ATP10A: variants seen among roughly 807,000 people sequenced by gnomAD.
ATP10A encodes ATPase phospholipid transporting 10A (putative), also known as phospholipid-transporting ATPase VA.
ATP10A carries 111 observed loss-of-function variants against 147.8 expected under a neutral mutation model. The observed-to-expected ratio is 0.75, with a 90% CI of 0.64 to 0.88. The LOEUF (loss-of-function observed/expected upper bound fraction) is 0.88, where lower values mean the gene tolerates loss of function less well. ATP10A is among the 40% of genes least tolerant of loss of function. The pLI is 0.00. For missense variants in ATP10A, 1,927 were observed against 1,959.0 expected, an observed-to-expected ratio of 0.98 and a Z score of 0.31; for synonymous variants, 875 against 841.6, an observed-to-expected ratio of 1.04 and a Z score of -0.69.
intron 1 of ATP10A, among the ~76,000 whole-genome samples, chr15:25,786,399 T>A (rs1890160196): frequency 6.6e-6 from 1 of 152,088 alleles, no homozygotes; most frequent in Non-Finnish European, 1.5e-5. Context: ...CAGTGGCACA[T>A]CCATGAAGGC....
At chr15:25,776,557 G>A (rs536016066) in intron 2 of ATP10A, among the ~76,000 whole-genome samples, 8 of 152,284 alleles carry the variant, frequency 5.3e-5, no homozygotes, top group African/African-American at 1.2e-4. Context: ...TGCTCCACAC[G>A]GGGGCCTCTC....
At chr15:25,691,650 A>T (rs1900040479) in intron 15 of ATP10A, 65 bp downstream of exon 15, 2 of 1,542,002 alleles carry the variant, frequency 1.3e-6, no homozygotes, top group East Asian at 2.2e-5. Context: ...GACAGCCCAC[A>T]GGGTGACAGG....
intron 12 of ATP10A, 45 bp downstream of exon 12, chr15:25,707,931 C>T: frequency 6.2e-7 from 1 of 1,601,376 alleles, no homozygotes; most frequent in Non-Finnish European, 8.5e-7. Flanking sequence ...GCCGTCCCTG[C>T]AAACTCCACA....
rs1247636132 is a variant in ATP10A at position 25,707,979 on chromosome 15, A to G, written c.2572T>C (p.Leu858=). 2 of 1,614,002 alleles carry G rather than the reference A, an allele frequency of 1.2e-6. No homozygotes were observed. ...AIRLETNLHL[L]GATGIEDRLQ... is the part of the protein sequence containing the mutation. ...ATGCGACTCTCAAGTTAATTACCTA[A>G]CAAGTGCAGGTTGGTCTCCAGGCGA... is the stretch of plus-strand genomic sequence containing the variant. Residue 858 remains leucine (L), a synonymous_variant, in exon 12 of 21, where the codon TTA becomes CTA. Transcript: ENST00000555815.
intron 2 of ATP10A, among the ~76,000 whole-genome samples, chr15:25,779,756 A>G (rs1889803578): frequency 1.3e-5 from 2 of 152,182 alleles, no homozygotes; most frequent in Admixed American, 1.3e-4. Flanking sequence ...AACAAAAAAT[A>G]CTATTTTTAA....
In ATP10A at chr15:25,781,935, G is replaced by A. The variant is rs149947100; in HGVS notation, c.450-712C>T. Among the ~76,000 whole-genome samples, 543 of 152,136 alleles carry A rather than the reference G, an allele frequency of 3.6e-3. 2 individuals carry two copies. Among genetic ancestry groups the A allele is most frequent in the Non-Finnish European group, 5.5e-3 (374 of 67,978 alleles). On this transcript the variant is annotated intron_variant, in intron 1 of 20. Transcript: ENST00000555815. ...GCACTTGAATTTTTCACTCCAAAATGGTTAAAATGACCATTCCTAGGTCTA... is the reference window on the plus strand; with the variant it reads ...GCACTTGAATTTTTCACTCCAAAATAGTTAAAATGACCATTCCTAGGTCTA...
intron 1 of ATP10A, among the ~76,000 whole-genome samples, chr15:25,796,833 C>T (rs886597204): frequency 6.6e-6 from 1 of 152,172 alleles, no homozygotes; most frequent in African/African-American, 2.4e-5. Context: ...TTCCTCCTTC[C>T]GTAGCTTTGG....
At chr15:25,758,979 G>T (rs12916549) in intron 2 of ATP10A, among the ~76,000 whole-genome samples, 147,010 of 151,778 alleles carry the variant, frequency 0.97, 71,335 homozygotes, top group Non-Finnish European at 1. Context: ...TACCCTGTCA[G>T]TCTCTTTAAA....
Position 25,756,119 on chromosome 15 carries a change from G to A in ATP10A, c.655-19978C>T, listed in dbSNP as rs546236445. ...TCATTGTTTACCTTGTTTCATTTGG[G>A]AGCCATCCCTTTGAGACTGCAAATT... On this transcript the variant is annotated intron_variant, in intron 2 of 20. Transcript: ENST00000555815. 2.6e-5 allele frequency among the ~76,000 whole-genome samples: 4 copies of A among 152,202 alleles called. No individual in the cohort carries two copies. In the South Asian group the frequency reaches 6.2e-4, roughly 24 times the overall value.
chr15:25,692,477 A>G (rs1900089269), intron 14 of ATP10A, among the ~76,000 whole-genome samples: 1 of 152,248 alleles, frequency 6.6e-6, no homozygotes, highest in African/African-American at 2.4e-5. Flanking sequence ...AGCCCAAATC[A>G]GGGCATACAT....
intron 2 of ATP10A, among the ~76,000 whole-genome samples, chr15:25,739,221 C>T (rs1442508329): frequency 6.6e-6 from 1 of 152,170 alleles, no homozygotes; most frequent in Non-Finnish European, 1.5e-5. Context: ...AGGCGTGAGC[C>T]ACTGCACTCG....
chr15:25,680,366 C>A, intron 19 of ATP10A, 58 bp from the exon 20 acceptor site: 1 of 1,552,840 alleles, frequency 6.4e-7, no homozygotes. Context: ...ACAACAATGA[C>A]AATAACAAAA....
intron 6 of ATP10A, among the ~76,000 whole-genome samples, chr15:25,722,436 G>C (rs1431631857): frequency 6.6e-6 from 1 of 152,320 alleles, no homozygotes; most frequent in East Asian, 1.9e-4. Context: ...CAATGCAGAG[G>C]AAAGGGAAAG....
chr15:25,816,472 G>A (rs1352521832), intron 1 of ATP10A, among the ~76,000 whole-genome samples: 3 of 152,160 alleles, frequency 2.0e-5, no homozygotes, highest in Admixed American at 1.3e-4. Context: ...TTCTACATAT[G>A]ATATAAATTC....
chr15:25,707,864 C>G, intron 12 of ATP10A, 112 bp downstream of exon 12: 1 of 1,451,016 alleles, frequency 6.9e-7, no homozygotes. Context: ...CCAGGTGGCT[C>G]CCTAACCAAG....
chr15:25,826,522 A>G (rs1892120459), intron 1 of ATP10A, among the ~76,000 whole-genome samples: 1 of 152,172 alleles, frequency 6.6e-6, no homozygotes, highest in African/African-American at 2.4e-5. Context: ...ATATTGCACC[A>G]CCGCACTCCA....
At chr15:25,836,661 T>C (rs1331576706) in intron 1 of ATP10A, among the ~76,000 whole-genome samples, 2 of 152,188 alleles carry the variant, frequency 1.3e-5, no homozygotes, top group Non-Finnish European at 2.9e-5. Flanking sequence ...TCCCTACCTC[T>C]AGCAAACACA....
chr15:25,802,586 T>C (rs554862057), intron 1 of ATP10A, among the ~76,000 whole-genome samples: 35 of 152,358 alleles, frequency 2.3e-4, no homozygotes, highest in African/African-American at 8.4e-4. Flanking sequence ...GCCACGCTCC[T>C]TCCTGGAGTC....
chr15:25,736,143 TAAA>T lies in ATP10A; in HGVS notation c.655-5_655-3del, dbSNP rs1374134663. The T allele has an allele frequency of 3.1e-6, 5 of 1,611,880 alleles. No individual in the cohort carries two copies. The highest frequency in any genetic ancestry group is 4.2e-6 in the Non-Finnish European group (5 of 1,179,400). Reference sequence around the variant, plus strand: ...CGTCAAAGGATTGAATTCGGAGACCTAAAATAACAGCACGTAGACATTAGAGAA... The same window carrying T: ...CGTCAAAGGATTGAATTCGGAGACCTATAACAGCACGTAGACATTAGAGAA... On this transcript the variant is annotated splice_polypyrimidine_tract_variant and splice_region_variant and intron_variant, in intron 2 of 20. Transcript: ENST00000555815.
Sources: gnomAD v4.1 joint callset for allele counts (sites outside exome capture counted in the v4.1 genomes callset) on GRCh38, gnomAD v4.1.1 for gene constraint, MANE v1.5 for transcripts, NCBI Gene and HGNC (gene_info 2026-07-23, HGNC 2026-07-21) for gene names.